BCAS3: variants seen among roughly 807,000 people sequenced by gnomAD.
BCAS3 encodes BCAS4/BCAS3 fusion.
BCAS3 carries 53 observed loss-of-function variants against 116.1 expected under a neutral mutation model. The ratio of observed to expected loss-of-function variants is 0.46; its 90% CI spans 0.37 to 0.57. BCAS3 has a LOEUF of 0.57. Among genes scored for constraint, BCAS3 ranks in the 20% least tolerant of loss-of-function variants. BCAS3 has a pLI of 0.00. For missense variants in BCAS3, 917 were observed against 1,165.4 expected, an observed-to-expected ratio of 0.79 and a Z score of 3.10; for synonymous variants, 391 against 408.2, an observed-to-expected ratio of 0.96 and a Z score of 0.51.
chr17:61,326,079 G>A lies in BCAS3; in HGVS notation c.2426-42248G>A, dbSNP rs2055704881. ...ATGCGCACTGCCCGGACACAGTGGA[G>A]CTTGTGAAGTTTGTGGTCTAGGAGG... On this transcript the variant is annotated intron_variant, in intron 22 of 23. Transcript: ENST00000407086. The surrounding 1 kb of genome is among the most constrained non-coding windows in gnomAD (Gnocchi z 5.3). 1.3e-5 allele frequency among the ~76,000 whole-genome samples: 2 copies of A among 152,216 alleles called. No individual in the cohort carries two copies. The highest frequency in any genetic ancestry group is 1.3e-4 in the Admixed American group (2 of 15,288).
chr17:60,859,058 A>T (rs1331977137), intron 7 of BCAS3, among the ~76,000 whole-genome samples: 1 of 151,488 alleles, frequency 6.6e-6, no homozygotes, highest in Non-Finnish European at 1.5e-5. Flanking sequence ...AGCTTAGCCC[A>T]CATTATAATG....
Position 61,270,943 on chromosome 17 carries a change from G to C in BCAS3, c.2426-97384G>C, listed in dbSNP as rs2050185881. ...CCAGGCTAATTTTGTATTTTTAGTAGAGACCGGGTTTCTCCATGTTGGTCA... is the reference window on the plus strand; with the variant it reads ...CCAGGCTAATTTTGTATTTTTAGTACAGACCGGGTTTCTCCATGTTGGTCA... On this transcript the variant is annotated intron_variant, in intron 22 of 23. Coordinates refer to ENST00000407086, the MANE Select transcript of BCAS3 (RefSeq NM_017679.5). 6.0e-5 allele frequency among the ~76,000 whole-genome samples: 9 copies of C among 151,154 alleles called. No individual in the cohort carries two copies. In the South Asian group the frequency reaches 1.7e-3, roughly 28 times the overall value.
chr17:60,778,975 A>T (rs1332352846), intron 6 of BCAS3, among the ~76,000 whole-genome samples: 3 of 152,216 alleles, frequency 2.0e-5, no homozygotes, highest in African/African-American at 4.8e-5. Context: ...ATATTTGAAT[A>T]AACATCTAAA....
chr17:61,176,787 C>G (rs2079177509), intron 22 of BCAS3, among the ~76,000 whole-genome samples: 1 of 152,066 alleles, frequency 6.6e-6, no homozygotes, highest in African/African-American at 2.4e-5. Flanking sequence ...TCTTGAACTC[C>G]TGGGCTCCAG....
At chr17:60,954,133 G>A (rs2060997659) in intron 14 of BCAS3, among the ~76,000 whole-genome samples, 1 of 152,112 alleles carries the variant, frequency 6.6e-6, no homozygotes, top group African/African-American at 2.4e-5. Flanking sequence ...TTTCCCCATT[G>A]CTTGTTTTTG....
At chr17:60,951,972 A>G (rs1454414928) in intron 14 of BCAS3, among the ~76,000 whole-genome samples, 1 of 151,766 alleles carries the variant, frequency 6.6e-6, no homozygotes, top group Non-Finnish European at 1.5e-5. Context: ...GGGTTTCACC[A>G]TGTTGGCCAG....
chr17:61,187,350 T>C (rs976250424), intron 22 of BCAS3, among the ~76,000 whole-genome samples: 5 of 152,254 alleles, frequency 3.3e-5, no homozygotes, highest in South Asian at 2.1e-4. Context: ...TCCTTTCTTA[T>C]CATTCGTCTT....
At chr17:61,050,404 C>T (rs952991934) in intron 19 of BCAS3, among the ~76,000 whole-genome samples, 1 of 151,650 alleles carries the variant, frequency 6.6e-6, no homozygotes, top group African/African-American at 2.4e-5. Flanking sequence ...TGTACCTACG[C>T]ATGTGTGTAT....
chr17:61,192,246 C>CAAAAAACAAAAAAAAA (rs2080181722), intron 22 of BCAS3, among the ~76,000 whole-genome samples: 1 of 70,678 alleles, frequency 1.4e-5, no homozygotes, highest in Non-Finnish European at 2.8e-5. Flanking sequence ...GCTCTGTTAC[C>CAAAAAACAAAAAAAAA]AAAAAAAAAA....
intron 22 of BCAS3, among the ~76,000 whole-genome samples, chr17:61,206,801 CAAAAAAAAAAAAAAA>C (rs71148392): frequency 2.7e-5 from 2 of 74,926 alleles, no homozygotes; most frequent in African/African-American, 1.0e-4. Flanking sequence ...AACTCTGTCT[CAAAAAAAAAAAAAAA>C]AAAAAAAAAA....
intron 5 of BCAS3, among the ~76,000 whole-genome samples, chr17:60,726,349 C>T (rs1401702842): frequency 6.7e-6 from 1 of 148,916 alleles, no homozygotes; most frequent in Admixed American, 6.7e-5. Flanking sequence ...TACAGGCATG[C>T]ACCACCACTC....
rs2081036740 is a variant in BCAS3 at position 61,204,852 on chromosome 17, G to A, written c.2425+120288G>A. Among the ~76,000 whole-genome samples, 1 of 152,088 alleles carries A rather than the reference G, an allele frequency of 6.6e-6. No individual in the cohort carries two copies. Among genetic ancestry groups the A allele is most frequent in the Non-Finnish European group, 1.5e-5 (1 of 68,014 alleles). Reference sequence around the variant, plus strand: ...AGATCAGTTGAGGCCAGGAGTTCGAGACCAGCCTGGGCAACAGGGCAAAAC... The same window carrying A: ...AGATCAGTTGAGGCCAGGAGTTCGAAACCAGCCTGGGCAACAGGGCAAAAC... On this transcript the variant is annotated intron_variant, in intron 22 of 23. Transcript: ENST00000407086. This position sits in a 1 kb window ranked among gnomAD's most constrained non-coding sequence, Gnocchi z 4.2.
In BCAS3 at chr17:61,118,294, A is replaced by C. The variant is rs1268163673; in HGVS notation, c.2425+33730A>C. On this transcript the variant is annotated intron_variant, in intron 22 of 23. Coordinates refer to ENST00000407086, the MANE Select transcript of BCAS3 (RefSeq NM_017679.5). This position sits in a 1 kb window ranked among gnomAD's most constrained non-coding sequence, Gnocchi z 5.0. ...AGATGGAAGTCCCGGCTCCCAACGT[A>C]GTCTCCAATGACAGTGCATTAGTGC... Among the ~76,000 whole-genome samples, 1 of 152,212 alleles carries C rather than the reference A, an allele frequency of 6.6e-6. No individual in the cohort carries two copies. The highest frequency in any genetic ancestry group is 2.4e-5 in the African/African-American group (1 of 41,458).
rs921840004 is a variant in BCAS3 at position 61,321,220 on chromosome 17, G to A, written c.2426-47107G>A. The stretch of plus-strand genomic sequence containing the variant: ...TTTAAGGCAGATTCTTCATTTTGCT[G>A]TAACATCCCATCCTCTGAATAGATA... On this transcript the variant is annotated intron_variant, in intron 22 of 23. Transcript: ENST00000407086. 1.1e-4 allele frequency among the ~76,000 whole-genome samples: 16 copies of A among 152,186 alleles called. No homozygotes were observed. In the East Asian group the frequency reaches 3.1e-3, roughly 29 times the overall value.
chr17:60,758,474 C>T (rs1343660858), intron 6 of BCAS3, among the ~76,000 whole-genome samples: 8 of 152,002 alleles, frequency 5.3e-5, no homozygotes, highest in East Asian at 3.9e-4. Flanking sequence ...CTCCGCCTTC[C>T]GGTTCAAACA....
Position 61,388,726 on chromosome 17 carries a change from C to T in BCAS3, c.2594-3251C>T. The T allele has an allele frequency of 6.5e-7, 1 of 1,540,306 alleles. No individual in the cohort carries two copies. Among genetic ancestry groups the T allele is most frequent in the Non-Finnish European group, 8.7e-7 (1 of 1,150,114 alleles). On this transcript the variant is annotated intron_variant, in intron 23 of 23. Coordinates refer to ENST00000407086, the MANE Select transcript of BCAS3 (RefSeq NM_017679.5). The surrounding 1 kb of genome is among the most constrained non-coding windows in gnomAD (Gnocchi z 6.5). ...GGAGGAAGGTAAGGCCACACGTTTCCATTTGCCGCTTGCTCGTAGGGCTGG... is the reference window on the plus strand; with the variant it reads ...GGAGGAAGGTAAGGCCACACGTTTCTATTTGCCGCTTGCTCGTAGGGCTGG...
rs2051071110 is a variant in BCAS3, at chr17:61,279,712, A to C, written c.2426-88615A>C. ...CTGGTGTAGACCACAAACCATGTTT[A>C]AAATAGTGGGCTAAGCCACTGGGCC... On this transcript the variant is annotated intron_variant, in intron 22 of 23. Coordinates refer to ENST00000407086, the MANE Select transcript of BCAS3 (RefSeq NM_017679.5). The surrounding 1 kb of genome is among the most constrained non-coding windows in gnomAD (Gnocchi z 4.4). Among the ~76,000 whole-genome samples, 1 of 151,964 alleles carries C rather than the reference A, an allele frequency of 6.6e-6. No individual in the cohort carries two copies. The highest frequency in any genetic ancestry group is 1.5e-5 in the Non-Finnish European group (1 of 68,014).
intron 22 of BCAS3, among the ~76,000 whole-genome samples, chr17:61,250,063 C>G (rs889757278): frequency 1.3e-5 from 2 of 152,044 alleles, no homozygotes; most frequent in Non-Finnish European, 2.9e-5. Flanking sequence ...TAAGGAAGGT[C>G]GAAGACACCA....
intron 9 of BCAS3, among the ~76,000 whole-genome samples, chr17:60,880,951 C>T (rs1599387663): frequency 7.7e-6 from 1 of 130,388 alleles, no homozygotes; most frequent in African/African-American, 4.1e-5. Flanking sequence ...TCACTTTCTT[C>T]TTTTTTTTGT....
Sources: allele counts gnomAD v4.1 joint callset (sites outside exome capture counted in the v4.1 genomes callset), GRCh38; gene constraint gnomAD v4.1.1; non-coding constraint Gnocchi (gnomAD v3.1); transcripts MANE v1.5; gene names NCBI Gene and HGNC (gene_info 2026-07-23, HGNC 2026-07-21).